NHLH2: variants seen among roughly 807,000 people sequenced by gnomAD.
NHLH2 encodes the protein nescient helix-loop-helix 2.
Under a neutral mutation model 7.3 loss-of-function variants are expected in NHLH2, and 7 were observed. The observed-to-expected ratio is 0.96, with a 90% confidence interval of 0.55 to 1.81. The LOEUF is 1.81. Among genes scored for constraint, NHLH2 ranks in the 40% most tolerant of loss-of-function variants. The pLI is 0.00. For synonymous variants in NHLH2, 93 were observed against 91.6 expected, an observed-to-expected ratio of 1.01 and a Z score of -0.09; for missense variants, 155 against 194.0, an observed-to-expected ratio of 0.80 and a Z score of 1.19.
At chr1:115,838,910 T>A (rs778827734) in intron 2 of NHLH2, 40 of 167,934 alleles carry the variant, frequency 2.4e-4, no homozygotes, top group Middle Eastern at 3.4e-3. Flanking sequence ...CTGGCGCTGG[T>A]CTGGGGCTGC....
chr1:115,834,981 C>T (rs1650834050), downstream of NHLH2, among the ~76,000 whole-genome samples: 1 of 152,202 alleles, frequency 6.6e-6, no homozygotes, highest in South Asian at 2.1e-4. Flanking sequence ...TCTGGTCTAG[C>T]AGACTGCCAC....
At chr1:115,833,210 C>T (rs185805090), downstream of NHLH2, among the ~76,000 whole-genome samples, 5 of 152,290 alleles carry the variant, frequency 3.3e-5, no homozygotes, top group East Asian at 1.9e-4. Flanking sequence ...TAGTGAATGA[C>T]GGTGCCCTGG....
chr1:115,839,543 G>C (rs1557830742), intron 2 of NHLH2: 1 of 166,906 alleles, frequency 6.0e-6, no homozygotes, highest in Non-Finnish European at 1.5e-5. Context: ...CTGGGAGGGG[G>C]CCGCTCAGAA....
In NHLH2 at chr1:115,837,004, AAGTT is replaced by A. The variant is rs1420161116; in HGVS notation, c.*957_*960del. ...AGTATAATCTCAACAAACACGTAAA[AAGTT>A]AGACATAATTATTCCACAGGAAAAA... On this transcript the variant is annotated 3_prime_UTR_variant, in exon 3 of 3. Coordinates refer to ENST00000320238, the MANE Select transcript of NHLH2 (RefSeq NM_005599.3). The A allele has an allele frequency of 1.3e-5, 2 of 152,580 alleles. No homozygotes were observed. The highest frequency in any genetic ancestry group is 4.8e-5 in the African/African-American group (2 of 41,562). The allele number at this position is 152,580 out of a possible 1,614,324, so 9.5% of individuals were successfully genotyped here.
chr1:115,837,842 G>A lies in NHLH2; in HGVS notation c.*123C>T. On this transcript the variant is annotated 3_prime_UTR_variant, in exon 3 of 3. Transcript: ENST00000320238. ...CAGGTAGCGAGCTTCTTCCCCGGCC[G>A]TCTCTCGAGGCGGCCGTCTCGCTGG... The A allele has an allele frequency of 9.5e-7, 1 of 1,054,826 alleles. No individual in the cohort carries two copies. Among genetic ancestry groups the A allele is most frequent in the Non-Finnish European group, 1.3e-6 (1 of 754,942 alleles). 65.3% of individuals were successfully genotyped at this position (1,054,826 alleles called of 1,614,324 possible).
chr1:115,834,492 C>T (rs550242502), downstream of NHLH2, among the ~76,000 whole-genome samples: 15 of 152,226 alleles, frequency 9.9e-5, no homozygotes, highest in African/African-American at 2.6e-4. Context: ...CTGTTTTGGT[C>T]GCATGAGCAC....
chr1:115,834,092 T>C (rs1650812540), downstream of NHLH2, among the ~76,000 whole-genome samples: 1 of 152,128 alleles, frequency 6.6e-6, no homozygotes, highest in Non-Finnish European at 1.5e-5. Flanking sequence ...TCCTTACCCA[T>C]TCCTCTCTCC....
At chr1:115,834,746 GT>G (rs1650826582), downstream of NHLH2, among the ~76,000 whole-genome samples, 2 of 152,156 alleles carry the variant, frequency 1.3e-5, no homozygotes, top group African/African-American at 4.8e-5. Flanking sequence ...AATATTGGGG[GT>G]TTTTTCGCTT....
At chr1:115,840,617 C>T (rs1651045229) in intron 1 of NHLH2, 73 bp from the exon 2 acceptor site, 1 of 166,768 alleles carries the variant, frequency 6.0e-6, no homozygotes, top group African/African-American at 2.4e-5. Flanking sequence ...TTTCTAATAG[C>T]GGAATAATCA....
Position 115,836,531 on chromosome 1 carries a change from A to G in NHLH2, c.*1434T>C, listed in dbSNP as rs1432323793. ...CAAAAAAACCCTGAAAAAGACTAAA[A>G]TCTTTGGATAGCAGATGTGGTTTTT... is the stretch of plus-strand genomic sequence containing the variant. On this transcript the variant is annotated 3_prime_UTR_variant, in exon 3 of 3. Coordinates refer to ENST00000320238, the MANE Select transcript of NHLH2 (RefSeq NM_005599.3). 6.6e-6 allele frequency: 1 copy of G among 152,560 alleles called. No individual in the cohort carries two copies. Among genetic ancestry groups the G allele is most frequent in the African/African-American group, 2.4e-5 (1 of 41,430 alleles). 9.5% of individuals were successfully genotyped at this position (152,560 alleles called of 1,614,324 possible). A position where few individuals can be genotyped will look rare whatever the true frequency, so the allele number is the denominator to read the frequency against.
At chr1:115,835,026 T>C (rs1047686907), downstream of NHLH2, among the ~76,000 whole-genome samples, 1 of 152,206 alleles carries the variant, frequency 6.6e-6, no homozygotes, top group African/African-American at 2.4e-5. Context: ...CTCAGCAGCT[T>C]TGGATTTGAA....
downstream of NHLH2, among the ~76,000 whole-genome samples, chr1:115,832,695 G>A (rs1218925392): frequency 6.6e-6 from 1 of 152,212 alleles, no homozygotes; most frequent in Non-Finnish European, 1.5e-5. Flanking sequence ...CAAACACAGA[G>A]ATGGGAGAAA....
chr1:115,835,568 C>T (rs1195372410), downstream of NHLH2, among the ~76,000 whole-genome samples: 1 of 152,186 alleles, frequency 6.6e-6, no homozygotes, highest in Non-Finnish European at 1.5e-5. Context: ...ATCTGTGAAG[C>T]TGACAAGAAG....
At chr1:115,833,696 T>G (rs1386295643), downstream of NHLH2, among the ~76,000 whole-genome samples, 2 of 152,206 alleles carry the variant, frequency 1.3e-5, no homozygotes, top group Non-Finnish European at 2.9e-5. Context: ...CAGGAGATAA[T>G]GCATGCAAAG....
At position 115,838,237 on chromosome 1, in the gene NHLH2, C is replaced by T. The variant is rs1650939434; in HGVS notation, c.136G>A (p.Gly46Ser). ...SDLEPVEEAE[G>S]DGKGGSRAAL... ...GCTCGGCTGCCGCCCTTGCCGTCGC[C>T]CTCGGCCTCCTCCACCGGCTCCAGG... The change falls in exon 3 of 3, where the codon GGC becomes AGC. Residue 46 changes from glycine to serine, a missense_variant. Around this residue, in one of 2 missense-constraint regions of NHLH2, gnomAD observed 91 missense variants for 86.6 expected, o/e 1.05. Coordinates refer to ENST00000320238, the MANE Select transcript of NHLH2 (RefSeq NM_005599.3). The T allele has an allele frequency of 2.6e-6, 4 of 1,564,112 alleles. No individual in the cohort carries two copies. Among genetic ancestry groups the T allele is most frequent in the Non-Finnish European group, 3.5e-6 (4 of 1,157,428 alleles).
downstream of NHLH2, among the ~76,000 whole-genome samples, chr1:115,834,818 G>A (rs11579104): frequency 0.093 from 14,092 of 152,196 alleles, 803 homozygotes; most frequent in Middle Eastern, 0.15. Context: ...TCAGCATTTA[G>A]AACAATGTTT....
At chr1:115,832,011 C>T (rs1269074236), downstream of NHLH2, among the ~76,000 whole-genome samples, 3 of 152,132 alleles carry the variant, frequency 2.0e-5, no homozygotes, top group African/African-American at 7.2e-5. Context: ...GCCCGCTCAT[C>T]CCCCTCTGCC....
chr1:115,840,449 C>G lies in NHLH2; in HGVS notation c.-242G>C, dbSNP rs1182017638. On this transcript the variant is annotated 5_prime_UTR_variant, in exon 2 of 3. Coordinates refer to ENST00000320238, the MANE Select transcript of NHLH2 (RefSeq NM_005599.3). Reference sequence around the variant, plus strand: ...ATAGATTTTTTAAAAAACGCTTTTTCCTTTTAATTGTTCTCAAACATTGCA... The same window carrying G: ...ATAGATTTTTTAAAAAACGCTTTTTGCTTTTAATTGTTCTCAAACATTGCA... 1 of 166,808 alleles carries G rather than the reference C, an allele frequency of 6.0e-6. No homozygotes were observed. Among genetic ancestry groups the G allele is most frequent in the African/African-American group, 2.4e-5 (1 of 41,406 alleles). 10.3% of individuals were successfully genotyped at this position (166,808 alleles called of 1,614,324 possible). A position where few individuals can be genotyped will look rare whatever the true frequency, so the allele number is the denominator to read the frequency against.
chr1:115,836,655 G>A lies in NHLH2; in HGVS notation c.*1310C>T, dbSNP rs1033639020. The A allele has an allele frequency of 2.0e-5, 3 of 152,288 alleles. No individual in the cohort carries two copies. Among genetic ancestry groups the A allele is most frequent in the Admixed American group, 6.6e-5 (1 of 15,260 alleles). 9.4% of individuals were successfully genotyped at this position (152,288 alleles called of 1,614,324 possible). On this transcript the variant is annotated 3_prime_UTR_variant, in exon 3 of 3. Transcript: ENST00000320238. ...AGACTTTTCTTTTTGGTGTCACAGA[G>A]GAAAGTAGTTCTGAATTCTTTTTTT...
Sources: allele counts gnomAD v4.1 joint callset (sites outside exome capture counted in the v4.1 genomes callset), GRCh38; gene constraint gnomAD v4.1.1; regional missense constraint gnomAD v4.1.1; transcripts MANE v1.5; gene names NCBI Gene and HGNC (gene_info 2026-07-23, HGNC 2026-07-21).